Variants in KCNIP4 observed in about 807,000 individuals in gnomAD.
KCNIP4 encodes the protein potassium voltage-gated channel interacting protein 4.
A neutral mutation model predicts 34.0 loss-of-function variants in KCNIP4; 12 were observed. The observed-to-expected ratio is 0.35, with a 90% CI of 0.23 to 0.57. The LOEUF is 0.57. Ranked by LOEUF, KCNIP4 falls within the 20% of genes least tolerant of loss-of-function variation. KCNIP4 has a pLI of 0.83. For synonymous variants in KCNIP4, 124 were observed against 102.2 expected, an observed-to-expected ratio of 1.21 and a Z score of -1.29; for missense variants, 238 against 311.7, an observed-to-expected ratio of 0.76 and a Z score of 1.78.
intron 1 of KCNIP4, among the ~76,000 whole-genome samples, chr4:21,238,723 A>G (rs539220862): frequency 6.2e-4 from 94 of 152,346 alleles, no homozygotes; most frequent in African/African-American, 2.2e-3. Context: ...TCAATGAAAT[A>G]AAAGAGGATA....
intron 1 of KCNIP4, among the ~76,000 whole-genome samples, chr4:21,267,803 A>G (rs972344902): frequency 4.0e-5 from 6 of 148,546 alleles, no homozygotes; most frequent in Non-Finnish European, 9.0e-5. Context: ...TATTGGTCTA[A>G]AATTCTCTTT....
At chr4:21,766,270 C>T (rs1335457624) in intron 1 of KCNIP4, among the ~76,000 whole-genome samples, 1 of 152,126 alleles carries the variant, frequency 6.6e-6, no homozygotes, top group Non-Finnish European at 1.5e-5. Flanking sequence ...CTGCACTTGG[C>T]GTATACCGAT....
At chr4:21,689,914 T>C (rs1751131065) in intron 1 of KCNIP4, among the ~76,000 whole-genome samples, 1 of 151,822 alleles carries the variant, frequency 6.6e-6, no homozygotes, top group Non-Finnish European at 1.5e-5. Context: ...TCACCCTCCT[T>C]TAAAAACATA....
intron 1 of KCNIP4, among the ~76,000 whole-genome samples, chr4:21,622,631 G>T (rs1745069000): frequency 2.6e-5 from 4 of 151,902 alleles, no homozygotes; most frequent in Admixed American, 2.6e-4. Flanking sequence ...TATAAAGAAA[G>T]ACATATTTTA....
chr4:20,850,712 A>C (rs1157577872), intron 2 of KCNIP4, 45 bp from the exon 3 acceptor site: 1 of 1,597,762 alleles, frequency 6.3e-7, no homozygotes, highest in African/African-American at 1.3e-5. Flanking sequence ...GCCACTGCTC[A>C]CCGATGCTTA....
chr4:21,142,277 ATT>A (rs1384872340), intron 1 of KCNIP4, among the ~76,000 whole-genome samples: 1 of 152,064 alleles, frequency 6.6e-6, no homozygotes, highest in Non-Finnish European at 1.5e-5. Context: ...CTTCTGTATT[ATT>A]TGTTCGGTGA....
chr4:21,766,476 C>T (rs1718425195), intron 1 of KCNIP4, among the ~76,000 whole-genome samples: 1 of 152,146 alleles, frequency 6.6e-6, no homozygotes, highest in Non-Finnish European at 1.5e-5. Flanking sequence ...TGCCTCCCCA[C>T]AGTCTTAAAA....
intron 1 of KCNIP4, among the ~76,000 whole-genome samples, chr4:21,558,292 G>A (rs1234369839): frequency 6.6e-6 from 1 of 152,106 alleles, no homozygotes; most frequent in East Asian, 1.9e-4. Flanking sequence ...AGGAGTTCGA[G>A]ACCAGCCTGG....
At chr4:21,323,671 A>G (rs1391797933) in intron 1 of KCNIP4, among the ~76,000 whole-genome samples, 12 of 151,998 alleles carry the variant, frequency 7.9e-5, no homozygotes, top group Admixed American at 2.0e-4. Context: ...TTTTTGATAG[A>G]CACATAAGTA....
intron 1 of KCNIP4, among the ~76,000 whole-genome samples, chr4:21,048,541 T>G (rs1355219055): frequency 6.6e-6 from 1 of 152,188 alleles, no homozygotes; most frequent in Non-Finnish European, 1.5e-5. Flanking sequence ...CTCCCTTCAC[T>G]AAAAAATTCA....
intron 1 of KCNIP4, among the ~76,000 whole-genome samples, chr4:21,085,808 C>A (rs560121177): frequency 6.6e-6 from 1 of 152,162 alleles, no homozygotes; most frequent in South Asian, 2.1e-4. Flanking sequence ...GAAGTTCACA[C>A]GTATGCTAGG....
At chr4:21,552,645 A>C (rs1483149093) in intron 1 of KCNIP4, among the ~76,000 whole-genome samples, 1 of 152,082 alleles carries the variant, frequency 6.6e-6, no homozygotes, top group Non-Finnish European at 1.5e-5. Flanking sequence ...ATAAAGCGGG[A>C]TAGAGGTTGA....
intron 1 of KCNIP4, among the ~76,000 whole-genome samples, chr4:21,818,934 C>T (rs1339078271): frequency 1.1e-4 from 17 of 152,258 alleles, no homozygotes; most frequent in Admixed American, 1.1e-3. Context: ...TTTCACATTG[C>T]AGCCAGGCAA....
intron 1 of KCNIP4, among the ~76,000 whole-genome samples, chr4:21,931,198 T>C (rs1011988543): frequency 1.3e-5 from 2 of 151,906 alleles, no homozygotes; most frequent in African/African-American, 2.4e-5. Flanking sequence ...GACAGAAATA[T>C]GCACCTACAA....
At chr4:20,995,036 C>T (rs1328280416) in intron 1 of KCNIP4, among the ~76,000 whole-genome samples, 1 of 152,166 alleles carries the variant, frequency 6.6e-6, no homozygotes, top group Non-Finnish European at 1.5e-5. Flanking sequence ...TACTTTTATT[C>T]ATGATTTTCC....
At chr4:20,990,208 C>T (rs930254609) in intron 1 of KCNIP4, among the ~76,000 whole-genome samples, 1 of 152,196 alleles carries the variant, frequency 6.6e-6, no homozygotes, top group Non-Finnish European at 1.5e-5. Context: ...CTACCCTCAA[C>T]ATCACCTCCA....
intron 1 of KCNIP4, among the ~76,000 whole-genome samples, chr4:21,443,429 C>G (rs1017786798): frequency 6.6e-6 from 1 of 152,114 alleles, no homozygotes; most frequent in African/African-American, 2.4e-5. Context: ...TAGGCAATGT[C>G]TTCACAGCCT....
chr4:20,834,884 T>C (rs945308599), intron 3 of KCNIP4, among the ~76,000 whole-genome samples: 1 of 152,198 alleles, frequency 6.6e-6, no homozygotes, highest in African/African-American at 2.4e-5. Flanking sequence ...GTTTGTCAGA[T>C]ATATAGTTGT....
intron 1 of KCNIP4, among the ~76,000 whole-genome samples, chr4:21,478,939 T>C (rs918080857): frequency 3.3e-5 from 5 of 152,192 alleles, no homozygotes; most frequent in African/African-American, 1.2e-4. Flanking sequence ...TCACTTACTT[T>C]GCTGTTTTCT....
Sources: gnomAD v4.1 joint callset for allele counts (sites outside exome capture counted in the v4.1 genomes callset) on GRCh38, gnomAD v4.1.1 for gene constraint, MANE v1.5 for transcripts, NCBI Gene and HGNC (gene_info 2026-07-23, HGNC 2026-07-21) for gene names.